NBAS: variants seen among roughly 807,000 people sequenced by gnomAD.
NBAS encodes the protein NAG/BC035112 fusion.
Under a neutral mutation model 302.5 loss-of-function variants are expected in NBAS, and 219 were observed. The ratio of observed to expected loss-of-function variants is 0.72; its 90% CI spans 0.65 to 0.81. NBAS has a LOEUF of 0.81. Among genes scored for constraint, NBAS ranks in the 30% least tolerant of loss-of-function variants. The probability of loss-of-function intolerance (pLI) is 0.00; values close to 1 mark genes in which losing one functional copy is unlikely to be tolerated. For missense variants in NBAS, 2,932 were observed against 2,841.6 expected (o/e 1.03, Z -0.72); for synonymous variants, 1,118 against 1,021.6 (o/e 1.09, Z -1.80).
chr2:15,234,473 G>T, intron 46 of NBAS, 72 bp downstream of exon 46: 1 of 1,475,806 alleles, frequency 6.8e-7, no homozygotes, highest in Non-Finnish European at 9.4e-7. Flanking sequence ...TTTACATACA[G>T]GATGACAGTT....
chr2:15,098,333 T>C, the NBAS span, among the ~76,000 whole-genome samples: 20 of 16,642 alleles, frequency 1.2e-3, 10 homozygotes, highest in African/African-American at 2.6e-3. Context: ...TATGATATAT[T>C]GTATATAATA....
At chr2:14,994,262 A>T in the NBAS span, among the ~76,000 whole-genome samples, 1 of 152,234 alleles carries the variant, frequency 6.6e-6, no homozygotes, top group African/African-American at 2.4e-5. Context: ...TCCATTTCAG[A>T]TGTACCTTGA....
At chr2:15,015,125 T>C in the NBAS span, among the ~76,000 whole-genome samples, 34 of 150,908 alleles carry the variant, frequency 2.3e-4, no homozygotes, top group African/African-American at 7.8e-4. Context: ...GGCAACAAGA[T>C]TGAAATAGTA....
intron 19 of NBAS, among the ~76,000 whole-genome samples, chr2:15,464,333 T>C (rs980242708): frequency 1.3e-5 from 2 of 152,072 alleles, no homozygotes; most frequent in African/African-American, 2.4e-5. Context: ...TTTTGGACAC[T>C]ATTAGATGAG....
intron 44 of NBAS, among the ~76,000 whole-genome samples, chr2:15,253,484 AC>A (rs1204508048): frequency 6.6e-6 from 1 of 152,222 alleles, no homozygotes; most frequent in South Asian, 2.1e-4. Flanking sequence ...TTACACATTA[AC>A]CTTGGGCCAG....
In NBAS at chr2:15,167,112, C is replaced by T; in HGVS notation, c.7052G>A (p.Arg2351Lys). ...AEAGSLLLAVRGTHQAFRTFS... is the reference protein window; with the variant it reads ...AEAGSLLLAVKGTHQAFRTFS... ...GGTTCTGAAGGCCTGGTGAGTCCCC[C>T]TCACGGCCAGAAGGAGAGACCCGGC... Residue 2351 changes from arginine to lysine, a missense_variant, in exon 52 of 52, where the codon AGG (arginine) becomes AAG (lysine). Physicochemically the swap from Arg to Lys is conservative, Grantham distance 26 (BLOSUM62 2). Transcript: ENST00000281513. The T allele has an allele frequency of 6.2e-7, 1 of 1,613,824 alleles. No individual in the cohort carries two copies. Among genetic ancestry groups the T allele is most frequent in the Non-Finnish European group, 8.5e-7 (1 of 1,179,810 alleles).
At position 15,473,306 on chromosome 2, in the gene NBAS, A is replaced by C. The variant is rs999327204; in HGVS notation, c.1641T>G (p.His547Gln). Residue 547 changes from histidine to glutamine, a missense_variant, in exon 16 of 52, where the codon CAT becomes CAG. His to Gln is a conservative substitution (Grantham distance 24, BLOSUM62 0). Coordinates refer to ENST00000281513, the MANE Select transcript of NBAS (RefSeq NM_015909.4). ...EEYEEALSLAHTYGLDTDLVY... is the reference protein window; with the variant it reads ...EEYEEALSLAQTYGLDTDLVY... ...CAAGGTCAGTATCCAGGCCGTAGGTATGAGCCAAGGACAAGGCTTCCTCAT... is the reference window on the plus strand; with the variant it reads ...CAAGGTCAGTATCCAGGCCGTAGGTCTGAGCCAAGGACAAGGCTTCCTCAT... 6.2e-7 allele frequency: 1 copy of C among 1,613,996 alleles called. No homozygotes were observed. The highest frequency in any genetic ancestry group is 2.2e-5 in the East Asian group (1 of 44,894).
chr2:15,141,767 C>T, the NBAS span, among the ~76,000 whole-genome samples: 4 of 152,142 alleles, frequency 2.6e-5, no homozygotes, highest in African/African-American at 9.7e-5. Context: ...AACTCAAAAC[C>T]TGTGCTTTCT....
the NBAS span, among the ~76,000 whole-genome samples, chr2:14,904,599 A>C: frequency 4.2e-5 from 4 of 95,840 alleles, no homozygotes; most frequent in Non-Finnish European, 7.8e-5. Context: ...AGGCTGTGTC[A>C]CAGTCAGCTG....
At chr2:15,180,984 A>G (rs983849937) in intron 50 of NBAS, among the ~76,000 whole-genome samples, 2 of 152,188 alleles carry the variant, frequency 1.3e-5, no homozygotes, top group African/African-American at 4.8e-5. Flanking sequence ...TTAGCACTCA[A>G]TGTTCTAAAT....
At chr2:15,040,276 T>C in the NBAS span, among the ~76,000 whole-genome samples, 2 of 152,162 alleles carry the variant, frequency 1.3e-5, no homozygotes, top group Admixed American at 6.5e-5. Context: ...TAAGGCTTAT[T>C]ACAGGTGGGA....
intron 41 of NBAS, among the ~76,000 whole-genome samples, chr2:15,291,973 T>C (rs1670324213): frequency 6.6e-6 from 1 of 152,134 alleles, no homozygotes; most frequent in Non-Finnish European, 1.5e-5. Flanking sequence ...TAAAAAATCA[T>C]TATTTGATAT....
At chr2:15,467,194 C>T (rs531446913) in intron 19 of NBAS, 135 bp downstream of exon 19, 1 of 700,790 alleles carries the variant, frequency 1.4e-6, no homozygotes, top group Admixed American at 2.6e-5. Flanking sequence ...TATAAGAGAA[C>T]TTGCTTCTAT....
the NBAS span, among the ~76,000 whole-genome samples, chr2:15,084,871 T>A: frequency 1.3e-5 from 2 of 152,236 alleles, no homozygotes. Context: ...GTATTCATTA[T>A]GTTAAAATCT....
At chr2:15,097,938 T>TAG in the NBAS span, among the ~76,000 whole-genome samples, 7 of 116,904 alleles carry the variant, frequency 6.0e-5, 1 homozygote, top group Non-Finnish European at 1.2e-4. Context: ...ATATTACATA[T>TAG]ATATTATATT....
chr2:15,480,268 G>A (rs1680372885), intron 12 of NBAS, among the ~76,000 whole-genome samples: 1 of 151,862 alleles, frequency 6.6e-6, no homozygotes, highest in Non-Finnish European at 1.5e-5. Flanking sequence ...CTGAGCTCAG[G>A]AGTTCAAGGT....
At chr2:15,009,986 C>T in the NBAS span, among the ~76,000 whole-genome samples, 5 of 152,020 alleles carry the variant, frequency 3.3e-5, no homozygotes, top group Admixed American at 1.3e-4. Flanking sequence ...AAACAAATCG[C>T]CTCATGGGAG....
chr2:15,480,385 A>G (rs1324397082), intron 12 of NBAS, among the ~76,000 whole-genome samples: 2 of 151,980 alleles, frequency 1.3e-5, no homozygotes, highest in Non-Finnish European at 2.9e-5. Context: ...AGGAAAAAAA[A>G]AAAACCGATA....
At chr2:15,146,122 G>A in the NBAS span, among the ~76,000 whole-genome samples, 2,806 of 152,192 alleles carry the variant, frequency 0.018, 102 homozygotes, top group African/African-American at 0.065. Flanking sequence ...GGCTGGCCTG[G>A]TATGAATCTC....
Sources: gnomAD v4.1 joint callset for allele counts (sites outside exome capture counted in the v4.1 genomes callset) on GRCh38, gnomAD v4.1.1 for gene constraint, MANE v1.5 for transcripts, NCBI Gene and HGNC (gene_info 2026-07-23, HGNC 2026-07-21) for gene names.